RAB6B: variants seen among roughly 807,000 people sequenced by gnomAD.
RAB6B encodes the protein RAB6B, member RAS oncogene family, also known as ras-related protein Rab-6B.
A neutral mutation model predicts 31.2 loss-of-function variants in RAB6B; 7 were observed. The observed-to-expected ratio is 0.22, with a 90% CI of 0.13 to 0.42. The LOEUF is 0.42. Among genes scored for constraint, RAB6B ranks in the 10% least tolerant of loss-of-function variants. The probability of loss-of-function intolerance (pLI) is 1.00; values close to 1 mark genes in which losing one functional copy is unlikely to be tolerated. For synonymous variants in RAB6B, 105 were observed against 104.9 expected (o/e 1.00, Z -0.01); for missense variants, 149 against 280.6 (o/e 0.53, Z 3.35).
chr3:133,856,079 C>T (rs998893175), intron 2 of RAB6B, among the ~76,000 whole-genome samples: 1 of 152,012 alleles, frequency 6.6e-6, no homozygotes, highest in Non-Finnish European at 1.5e-5. Flanking sequence ...ATGGAAAAAG[C>T]AATAGTCCAG....
At chr3:133,853,587 C>CA (rs996035640) in intron 2 of RAB6B, among the ~76,000 whole-genome samples, 5 of 151,964 alleles carry the variant, frequency 3.3e-5, no homozygotes, top group African/African-American at 1.2e-4. Flanking sequence ...GTGCCCCACT[C>CA]AAACATACTT....
At chr3:133,876,007 T>A (rs1028065216) in intron 1 of RAB6B, among the ~76,000 whole-genome samples, 1 of 152,120 alleles carries the variant, frequency 6.6e-6, no homozygotes, top group Non-Finnish European at 1.5e-5. Context: ...CGTAATTATT[T>A]AAAATAGTAT....
intron 5 of RAB6B, 42 bp from the exon 6 acceptor site, chr3:133,838,301 G>A: frequency 6.4e-7 from 1 of 1,562,400 alleles, no homozygotes; most frequent in South Asian, 1.1e-5. Flanking sequence ...CAGCAGAGAA[G>A]CAGACCCTGG....
chr3:133,856,515 T>C (rs1397411691), intron 2 of RAB6B, among the ~76,000 whole-genome samples: 1 of 152,106 alleles, frequency 6.6e-6, no homozygotes, highest in African/African-American at 2.4e-5. Flanking sequence ...AATTGAGTCA[T>C]ATCATTACTC....
chr3:133,877,364 A>T (rs1936411142), intron 1 of RAB6B, among the ~76,000 whole-genome samples: 1 of 152,196 alleles, frequency 6.6e-6, no homozygotes, highest in South Asian at 2.1e-4. Flanking sequence ...ACTAGAGGAA[A>T]CAGTGCTTGG....
At chr3:133,886,531 A>G (rs1576411267) in intron 1 of RAB6B, among the ~76,000 whole-genome samples, 1 of 152,200 alleles carries the variant, frequency 6.6e-6, no homozygotes, top group South Asian at 2.1e-4. Context: ...AGTCTGTCCC[A>G]CTTTTTGCCA....
intron 2 of RAB6B, among the ~76,000 whole-genome samples, chr3:133,849,831 G>A (rs533867776): frequency 9.8e-5 from 15 of 152,322 alleles, no homozygotes; most frequent in Admixed American, 9.1e-4. Flanking sequence ...TCCCAGAAGA[G>A]AAAAGTCAGC....
intron 1 of RAB6B, among the ~76,000 whole-genome samples, chr3:133,884,653 AG>A (rs1274204500): frequency 6.6e-6 from 1 of 152,282 alleles, no homozygotes; most frequent in African/African-American, 2.4e-5. Flanking sequence ...TAACAGGGCT[AG>A]GGGGCCTCAT....
At chr3:133,852,323 T>C (rs1935998643) in intron 2 of RAB6B, among the ~76,000 whole-genome samples, 1 of 152,172 alleles carries the variant, frequency 6.6e-6, no homozygotes, top group African/African-American at 2.4e-5. Context: ...GGCATTGCAC[T>C]TTGGAGGTCT....
chr3:133,841,198 A>G lies in RAB6B; in HGVS notation c.289+87T>C. 3.6e-6 allele frequency: 4 copies of G among 1,115,794 alleles called. No individual in the cohort carries two copies. The South Asian group carries it at 5.2e-5, about 15-fold the overall frequency. The allele number at this position is 1,115,794 out of a possible 1,614,324, so 69.1% of individuals were successfully genotyped here. ...CGTGTGCACACACATGCGTGTGCAC[A>G]CACATGCACACAGGCCTGGCCAGGG... is the stretch of plus-strand genomic sequence containing the variant. On this transcript the variant is annotated intron_variant, in intron 4 of 7. Coordinates refer to ENST00000285208, the MANE Select transcript of RAB6B (RefSeq NM_016577.4).
At chr3:133,872,022 T>A (rs1431659601) in intron 1 of RAB6B, among the ~76,000 whole-genome samples, 1 of 152,144 alleles carries the variant, frequency 6.6e-6, no homozygotes, top group Non-Finnish European at 1.5e-5. Context: ...TTCTAAGCCA[T>A]CTTGGTGGGC....
rs1935606724 is a variant in RAB6B, at chr3:133,828,466, A to T, written c.*322T>A. The T allele has an allele frequency of 4.8e-6, 2 of 417,690 alleles. No individual in the cohort carries two copies. Among genetic ancestry groups the T allele is most frequent in the African/African-American group, 4.1e-5 (2 of 48,282 alleles). 25.9% of individuals were successfully genotyped at this position (417,690 alleles called of 1,614,324 possible). On this transcript the variant is annotated 3_prime_UTR_variant, in exon 8 of 8. Transcript: ENST00000285208. ...ACAAAAAGCACATCTTTCAAATAAA[A>T]ATGACTACATTTTTATCTGGCAAAA...
chr3:133,867,345 T>C lies in RAB6B; in HGVS notation c.71-2703A>G, dbSNP rs531519387. The stretch of plus-strand genomic sequence containing the variant: ...AGTAGGGGCTGAGTCAGGCACAGAA[T>C]TGACATGAGAACAGTAAACAGAGGA... On this transcript the variant is annotated intron_variant, in intron 1 of 7. Coordinates refer to ENST00000285208, the MANE Select transcript of RAB6B (RefSeq NM_016577.4). Among the ~76,000 whole-genome samples, 2 of 152,200 alleles carry C rather than the reference T, an allele frequency of 1.3e-5. 1 individual carries two copies. Among genetic ancestry groups the C allele is most frequent in the African/African-American group, 4.8e-5 (2 of 41,526 alleles).
intron 1 of RAB6B, among the ~76,000 whole-genome samples, chr3:133,877,231 G>A (rs895061407): frequency 8.5e-5 from 13 of 152,226 alleles, no homozygotes; most frequent in African/African-American, 3.1e-4. Flanking sequence ...ACCAGAGAGA[G>A]GGAGATGCAG....
At chr3:133,860,164 C>T (rs1936139802) in intron 2 of RAB6B, among the ~76,000 whole-genome samples, 1 of 152,182 alleles carries the variant, frequency 6.6e-6, no homozygotes. Flanking sequence ...GGTATCCATC[C>T]CCAAATTCAT....
At chr3:133,856,387 A>G (rs1936077126) in intron 2 of RAB6B, among the ~76,000 whole-genome samples, 1 of 151,782 alleles carries the variant, frequency 6.6e-6, no homozygotes, top group Admixed American at 6.6e-5. Context: ...TCATCTTTGT[A>G]CAGACTGTCT....
At chr3:133,846,316 G>A (rs913982804) in intron 2 of RAB6B, among the ~76,000 whole-genome samples, 26 of 152,258 alleles carry the variant, frequency 1.7e-4, no homozygotes, top group African/African-American at 5.8e-4. Flanking sequence ...GTATCTTGGC[G>A]GACGCCTGTA....
At chr3:133,863,296 TA>T (rs1936189719) in intron 2 of RAB6B, among the ~76,000 whole-genome samples, 1 of 151,346 alleles carries the variant, frequency 6.6e-6, no homozygotes, top group Non-Finnish European at 1.5e-5. Context: ...AAAGAAAGAG[TA>T]AAAATGAGAG....
chr3:133,866,174 A>C (rs1160628602), intron 1 of RAB6B, among the ~76,000 whole-genome samples: 1 of 152,210 alleles, frequency 6.6e-6, no homozygotes, highest in Non-Finnish European at 1.5e-5. Flanking sequence ...TAACTGAGCA[A>C]GGTAAGGCAG....
Sources: gnomAD v4.1 joint callset for allele counts (sites outside exome capture counted in the v4.1 genomes callset) on GRCh38, gnomAD v4.1.1 for gene constraint, MANE v1.5 for transcripts, NCBI Gene and HGNC (gene_info 2026-07-23, HGNC 2026-07-21) for gene names.